ECT2: variants seen among roughly 807,000 people sequenced by gnomAD.
ECT2 encodes the protein epithelial cell transforming 2.
In ECT2, 61 loss-of-function variants were observed where a neutral mutation model predicts 116.9. The observed-to-expected ratio is 0.52, with a 90% CI of 0.42 to 0.65. The LOEUF is 0.65. Ranked by LOEUF, ECT2 falls within the 30% of genes least tolerant of loss-of-function variation. The pLI, the probability that ECT2 is intolerant of heterozygous loss-of-function variation, is 0.00. For missense variants in ECT2, 937 were observed against 1,078.7 expected (o/e 0.87, Z 1.84); for synonymous variants, 358 against 346.4 (o/e 1.03, Z -0.37).
intron 11 of ECT2, 37 bp downstream of exon 11, chr3:172,763,009 C>CT (rs1718635136): frequency 6.3e-7 from 1 of 1,596,396 alleles, no homozygotes; most frequent in Non-Finnish European, 8.6e-7. Flanking sequence ...GTTCTGTGAG[C>CT]TTGATTGTTT....
chr3:172,785,419 T>A (rs1723436253), intron 17 of ECT2, among the ~76,000 whole-genome samples: 1 of 151,910 alleles, frequency 6.6e-6, no homozygotes, highest in Non-Finnish European at 1.5e-5. Flanking sequence ...AAAACAAAAT[T>A]ATAGCCGGTA....
intron 18 of ECT2, among the ~76,000 whole-genome samples, chr3:172,789,495 C>A (rs1207111128): frequency 6.6e-6 from 1 of 152,182 alleles, no homozygotes; most frequent in South Asian, 2.1e-4. Flanking sequence ...TGAGCCACCA[C>A]AGCCGGCCGG....
chr3:172,758,666 C>T (rs1287884505), intron 5 of ECT2, among the ~76,000 whole-genome samples: 1 of 152,126 alleles, frequency 6.6e-6, no homozygotes, highest in Non-Finnish European at 1.5e-5. Context: ...TGTATGGAGT[C>T]TGAAAACTTT....
downstream of ECT2, among the ~76,000 whole-genome samples, chr3:172,823,001 A>G (rs181580397): frequency 6.6e-6 from 1 of 152,240 alleles, no homozygotes; most frequent in East Asian, 1.9e-4. Context: ...CATGGAACTT[A>G]AAATCAAGCA....
At chr3:172,799,045 A>G (rs578113222) in intron 18 of ECT2, among the ~76,000 whole-genome samples, 2 of 152,284 alleles carry the variant, frequency 1.3e-5, no homozygotes, top group South Asian at 4.1e-4. Flanking sequence ...TGAAATTTTT[A>G]TGTGATCAGT....
chr3:172,818,764 A>T (rs1730222018), intron 24 of ECT2: 1 of 1,281,846 alleles, frequency 7.8e-7, no homozygotes, highest in Admixed American at 2.3e-5. Context: ...ATTTGTGAAG[A>T]ATTAGGAGAT....
the ECT2 span, chr3:172,828,923 G>A: frequency 6.8e-7 from 1 of 1,461,662 alleles, no homozygotes; most frequent in Non-Finnish European, 9.4e-7. Context: ...TCCAATGCCA[G>A]TCCCTGAACC....
Position 172,802,939 on chromosome 3 carries a change from G to A in ECT2, c.2065G>A (p.Gly689Arg). 1 of 1,613,070 alleles carries A rather than the reference G, an allele frequency of 6.2e-7. No individual in the cohort carries two copies. Among genetic ancestry groups the A allele is most frequent in the South Asian group, 1.1e-5 (1 of 91,018 alleles). The stretch of plus-strand genomic sequence containing the variant: ...TCTAGGTGAGCACCCCTGTGACAGA[G>A]GAGAACAAGTAACTCTCTTCCTCTT... Reference protein sequence around the residue: ...ISLGEHPCDRGEQVTLFLFND... With the variant: ...ISLGEHPCDRREQVTLFLFND... The change falls in exon 20 of 25, where the codon GGA (glycine) becomes AGA (arginine). Residue 689 changes from glycine to arginine, a missense_variant. Transcript: ENST00000392692.
At position 172,763,554 on chromosome 3, in the gene ECT2, G is replaced by C. The variant is rs145162216; in HGVS notation, c.1068+582G>C. On this transcript the variant is annotated intron_variant, in intron 11 of 24. Coordinates refer to ENST00000392692, the MANE Select transcript of ECT2 (RefSeq NM_001258315.2). ...AAGTTTTTAATACATTAATGAGCTTGGATATTATCCTATAACTATTGGGAG... is the reference window on the plus strand; with the variant it reads ...AAGTTTTTAATACATTAATGAGCTTCGATATTATCCTATAACTATTGGGAG... Among the ~76,000 whole-genome samples the C allele has an allele frequency of 3.9e-3, 598 of 152,276 alleles. 2 individuals are homozygous for C. The highest frequency in any genetic ancestry group is 0.017 in the Middle Eastern group (5 of 294).
intron 16 of ECT2, among the ~76,000 whole-genome samples, chr3:172,784,301 GT>G (rs1442016800): frequency 6.6e-6 from 1 of 152,050 alleles, no homozygotes; most frequent in African/African-American, 2.4e-5. Context: ...TTTTTTTAAA[GT>G]TTTATGTATT....
At chr3:172,760,644 G>A (rs558232861) in intron 7 of ECT2, among the ~76,000 whole-genome samples, 3 of 150,946 alleles carry the variant, frequency 2.0e-5, no homozygotes, top group Non-Finnish European at 4.4e-5. Context: ...GACTAGGATC[G>A]TGGGGGTTGG....
At chr3:172,768,342 T>G (rs1719928336) in intron 12 of ECT2, among the ~76,000 whole-genome samples, 1 of 152,236 alleles carries the variant, frequency 6.6e-6, no homozygotes, top group Non-Finnish European at 1.5e-5. Flanking sequence ...AGGGACATAT[T>G]CTGCCATGTT....
Position 172,782,208 on chromosome 3 carries a change from A to G in ECT2, c.1594A>G (p.Ile532Val). ...AGTTAATTGGGATGAGAGCAAAAGCATTGGTGACATTTTTCTGAAATATGT... is the reference window on the plus strand; with the variant it reads ...AGTTAATTGGGATGAGAGCAAAAGCGTTGGTGACATTTTTCTGAAATATGT... Reference protein sequence around the residue: ...LIVNWDESKSIGDIFLKYSKD... With the variant: ...LIVNWDESKSVGDIFLKYSKD... Residue 532 changes from isoleucine (I) to valine (V), a missense_variant, in exon 15 of 25, where the codon ATT becomes GTT. By Grantham distance (29) the Ile-to-Val change is conservative. Coordinates refer to ENST00000392692, the MANE Select transcript of ECT2 (RefSeq NM_001258315.2). 6.4e-7 allele frequency: 1 copy of G among 1,572,876 alleles called. No individual in the cohort carries two copies. The highest frequency in any genetic ancestry group is 8.7e-7 in the Non-Finnish European group (1 of 1,154,310).
In ECT2 at chr3:172,754,661, G is replaced by A. The variant is rs763309386; in HGVS notation, c.130+1G>A. 8.1e-6 allele frequency: 13 copies of A among 1,595,964 alleles called. No individual in the cohort carries two copies. The highest frequency in any genetic ancestry group is 2.2e-5 in the East Asian group (1 of 44,684). On this transcript the variant is annotated splice_donor_variant, in intron 2 of 24. Coordinates refer to ENST00000392692, the MANE Select transcript of ECT2 (RefSeq NM_001258315.2). LOFTEE classifies it high-confidence loss of function. ...ATTGGATCTACTTCATATGTAGAAG[G>A]TAAACCTGTTACCTGCTTTAAAACA...
At chr3:172,802,784 C>T in intron 19 of ECT2, 77 bp from the exon 20 acceptor site, 1 of 1,527,584 alleles carries the variant, frequency 6.5e-7, no homozygotes, top group Non-Finnish European at 8.9e-7. Context: ...CTTGGCACTA[C>T]TTTCTTTTAA....
intron 16 of ECT2, 32 bp from the exon 17 acceptor site, chr3:172,784,674 CT>C: frequency 6.5e-7 from 1 of 1,544,344 alleles, no homozygotes. Context: ...TTCAGAAAAC[CT>C]TTTTTGAAAT....
At chr3:172,806,640 G>GT (rs1258404810) in intron 21 of ECT2, among the ~76,000 whole-genome samples, 2 of 64,416 alleles carry the variant, frequency 3.1e-5, no homozygotes, top group African/African-American at 1.2e-4. Flanking sequence ...TTCTTTCTTT[G>GT]TTTTTTGTGG....
chr3:172,809,182 CAGACT>C (rs1425319015), intron 22 of ECT2, among the ~76,000 whole-genome samples: 1 of 151,964 alleles, frequency 6.6e-6, no homozygotes, highest in Non-Finnish European at 1.5e-5. Flanking sequence ...ATCAGAATGT[CAGACT>C]AGATAGTTTA....
At chr3:172,754,372 G>C (rs1716539344) in intron 1 of ECT2, 137 bp from the exon 2 acceptor site, 2 of 569,638 alleles carry the variant, frequency 3.5e-6, no homozygotes, top group South Asian at 5.4e-5. Context: ...GCTCAGAGAA[G>C]GTCAGTGACT....
Sources: allele counts gnomAD v4.1 joint callset (sites outside exome capture counted in the v4.1 genomes callset), GRCh38; gene constraint gnomAD v4.1.1; transcripts MANE v1.5; gene names NCBI Gene and HGNC (gene_info 2026-07-23, HGNC 2026-07-21).